Variants in UNC5C observed in about 807,000 individuals in gnomAD.
UNC5C encodes unc-5 netrin receptor C.
UNC5C carries 47 observed loss-of-function variants against 99.8 expected under a neutral mutation model. The observed-to-expected ratio is 0.47, with a 90% CI of 0.37 to 0.60. The LOEUF (loss-of-function observed/expected upper bound fraction) is 0.60, where lower values mean the gene tolerates loss of function less well. UNC5C is among the 20% of genes least tolerant of loss of function. The pLI is 0.00. For missense variants in UNC5C, 1,062 were observed against 1,165.9 expected, an observed-to-expected ratio of 0.91 and a Z score of 1.30; for synonymous variants, 487 against 452.2, an observed-to-expected ratio of 1.08 and a Z score of -0.98.
At chr4:95,262,555 T>C (rs1295254741) in intron 4 of UNC5C, among the ~76,000 whole-genome samples, 1 of 152,200 alleles carries the variant, frequency 6.6e-6, no homozygotes, top group Non-Finnish European at 1.5e-5. Context: ...TTAAAAGCTG[T>C]ATTTCCAATA....
intron 2 of UNC5C, among the ~76,000 whole-genome samples, chr4:95,309,026 C>T (rs1358179297): frequency 2.0e-5 from 3 of 152,046 alleles, no homozygotes; most frequent in Non-Finnish European, 4.4e-5. Context: ...TACTTGATCT[C>T]CACATCTACT....
intron 1 of UNC5C, among the ~76,000 whole-genome samples, chr4:95,352,944 A>G (rs1744041750): frequency 6.6e-6 from 1 of 152,128 alleles, no homozygotes; most frequent in African/African-American, 2.4e-5. Flanking sequence ...TCTGCTGGAA[A>G]CTTTCAGCAT....
chr4:95,210,406 T>TAA (rs1338146278), intron 10 of UNC5C, among the ~76,000 whole-genome samples: 3 of 152,200 alleles, frequency 2.0e-5, no homozygotes, highest in African/African-American at 7.2e-5. Context: ...TTACGCAGGA[T>TAA]AAGATTTAAC....
intron 1 of UNC5C, among the ~76,000 whole-genome samples, chr4:95,497,097 G>C (rs1362696216): frequency 6.6e-6 from 1 of 151,932 alleles, no homozygotes; most frequent in Non-Finnish European, 1.5e-5. Flanking sequence ...CACTTAGGTT[G>C]GTTCCATATC....
At chr4:95,492,409 T>C (rs1387955315) in intron 1 of UNC5C, among the ~76,000 whole-genome samples, 2 of 151,322 alleles carry the variant, frequency 1.3e-5, no homozygotes, top group Non-Finnish European at 3.0e-5. Context: ...CATGGAATAA[T>C]CTTAGCAGAA....
chr4:95,509,759 T>C (rs1434062559), intron 1 of UNC5C, among the ~76,000 whole-genome samples: 1 of 151,910 alleles, frequency 6.6e-6, no homozygotes, highest in African/African-American at 2.4e-5. Context: ...TAGCAGGCCA[T>C]TTTAATTCAA....
chr4:95,376,581 T>C (rs1261710686), intron 1 of UNC5C, among the ~76,000 whole-genome samples: 1 of 152,200 alleles, frequency 6.6e-6, no homozygotes, highest in Non-Finnish European at 1.5e-5. Flanking sequence ...CTTGAAATGT[T>C]CAAGTGATCC....
At chr4:95,510,050 A>T (rs540551712) in intron 1 of UNC5C, among the ~76,000 whole-genome samples, 3 of 152,152 alleles carry the variant, frequency 2.0e-5, no homozygotes, top group Admixed American at 6.6e-5. Flanking sequence ...AATTGGAAGT[A>T]TAACTAAAAA....
At chr4:95,189,702 AAAG>A (rs1457503684) in intron 12 of UNC5C, among the ~76,000 whole-genome samples, 4 of 152,342 alleles carry the variant, frequency 2.6e-5, no homozygotes, top group East Asian at 1.9e-4. Flanking sequence ...ACACTTCTCA[AAAG>A]AAGACATTTA....
intron 1 of UNC5C, among the ~76,000 whole-genome samples, chr4:95,500,625 G>A (rs1177785273): frequency 6.6e-6 from 1 of 152,124 alleles, no homozygotes; most frequent in Non-Finnish European, 1.5e-5. Flanking sequence ...TTTTGATTAA[G>A]GAGAGCTATT....
intron 1 of UNC5C, among the ~76,000 whole-genome samples, chr4:95,519,702 A>C (rs1239988129): frequency 2.0e-5 from 3 of 152,152 alleles, no homozygotes; most frequent in Non-Finnish European, 4.4e-5. Context: ...TAATCAATTA[A>C]ATGTGTTTTA....
chr4:95,429,815 G>C (rs1377185493), intron 1 of UNC5C, among the ~76,000 whole-genome samples: 7 of 152,060 alleles, frequency 4.6e-5, no homozygotes, highest in Admixed American at 3.3e-4. Context: ...AGTAGGGGTA[G>C]CATTGAAAAA....
At chr4:95,445,417 T>C (rs1747071778) in intron 1 of UNC5C, among the ~76,000 whole-genome samples, 1 of 152,098 alleles carries the variant, frequency 6.6e-6, no homozygotes, top group African/African-American at 2.4e-5. Context: ...TCCGTTCGGA[T>C]TCAGCTGGCA....
chr4:95,449,734 T>C (rs1193431551), intron 1 of UNC5C, among the ~76,000 whole-genome samples: 2 of 152,212 alleles, frequency 1.3e-5, no homozygotes, highest in Non-Finnish European at 2.9e-5. Flanking sequence ...AGAACTCTTC[T>C]AGTAAATCTG....
intron 1 of UNC5C, among the ~76,000 whole-genome samples, chr4:95,541,228 T>C (rs1260604569): frequency 2.0e-5 from 3 of 152,090 alleles, no homozygotes; most frequent in Non-Finnish European, 2.9e-5. Context: ...AACAAACAAT[T>C]CGTAAGTTTT....
chr4:95,269,874 G>C (rs752278451), intron 4 of UNC5C, among the ~76,000 whole-genome samples: 4 of 151,838 alleles, frequency 2.6e-5, no homozygotes, highest in African/African-American at 9.7e-5. Context: ...CACCACGCCC[G>C]GCTAATTTTG....
chr4:95,366,061 G>A (rs1484557332), intron 1 of UNC5C, among the ~76,000 whole-genome samples: 1 of 151,962 alleles, frequency 6.6e-6, no homozygotes, highest in East Asian at 1.9e-4. Context: ...CCCACTATCT[G>A]GTCCTGTCAC....
intron 10 of UNC5C, among the ~76,000 whole-genome samples, chr4:95,207,685 T>C (rs1008376462): frequency 2.6e-5 from 4 of 152,124 alleles, no homozygotes; most frequent in Non-Finnish European, 5.9e-5. Flanking sequence ...TTTGAAATCA[T>C]GGACTCACAG....
At chr4:95,459,950 T>C (rs181533919) in intron 1 of UNC5C, among the ~76,000 whole-genome samples, 1 of 152,318 alleles carries the variant, frequency 6.6e-6, no homozygotes, top group Admixed American at 6.5e-5. Context: ...ATTAAGCACT[T>C]ATGCATTATT....
Sources: allele counts gnomAD v4.1 joint callset (sites outside exome capture counted in the v4.1 genomes callset), GRCh38; gene constraint gnomAD v4.1.1; transcripts MANE v1.5; gene names NCBI Gene and HGNC (gene_info 2026-07-23, HGNC 2026-07-21).